ZBBX: variants seen among roughly 807,000 people sequenced by gnomAD.
ZBBX encodes the protein zinc finger B-box domain containing.
In ZBBX, 101 loss-of-function variants were observed where a neutral mutation model predicts 108.5. That is an observed-to-expected ratio of 0.93 (90% CI 0.79 to 1.10). The LOEUF (loss-of-function observed/expected upper bound fraction) is 1.10, where lower values mean the gene tolerates loss of function less well. Among genes scored for constraint, ZBBX ranks in the 50% least tolerant of loss-of-function variants. The pLI is 0.00. For synonymous variants in ZBBX, 356 were observed against 323.4 expected, an observed-to-expected ratio of 1.10 and a Z score of -1.08; for missense variants, 1,009 against 941.4, an observed-to-expected ratio of 1.07 and a Z score of -0.94.
intron 20 of ZBBX, among the ~76,000 whole-genome samples, chr3:167,275,847 C>T (rs1215432540): frequency 6.6e-6 from 1 of 152,226 alleles, no homozygotes. Context: ...AACAAAAAGA[C>T]AGCAGTAACC....
At chr3:167,236,788 T>G (rs965673125), downstream of ZBBX, among the ~76,000 whole-genome samples, 5 of 151,820 alleles carry the variant, frequency 3.3e-5, no homozygotes, top group Non-Finnish European at 7.4e-5. Context: ...ATCTATACTC[T>G]GTTGAAATGT....
At chr3:167,331,275 C>T (rs188167530) in intron 10 of ZBBX, among the ~76,000 whole-genome samples, 5 of 152,086 alleles carry the variant, frequency 3.3e-5, no homozygotes, top group South Asian at 2.1e-4. Flanking sequence ...CTAGGTAGGG[C>T]GCCTCCAACA....
At chr3:167,392,754 A>G (rs1436584905) in intron 1 of ZBBX, 1 of 151,744 alleles carries the variant, frequency 6.6e-6, no homozygotes, top group African/African-American at 2.4e-5. Flanking sequence ...TTGGTGATTG[A>G]CTTCATCTGA....
At chr3:167,353,960 A>C (rs1049290713) in intron 8 of ZBBX, among the ~76,000 whole-genome samples, 26 of 152,130 alleles carry the variant, frequency 1.7e-4, no homozygotes, top group African/African-American at 6.0e-4. Flanking sequence ...TCTTCAACTT[A>C]CAATGTGGCT....
At chr3:167,405,379 A>G (rs917930642) in intron 1 of ZBBX, among the ~76,000 whole-genome samples, 1 of 152,184 alleles carries the variant, frequency 6.6e-6, no homozygotes, top group Non-Finnish European at 1.5e-5. Flanking sequence ...AAAGGATGAG[A>G]TAACGAGACA....
At chr3:167,355,554 C>T (rs372656065) in intron 8 of ZBBX, among the ~76,000 whole-genome samples, 2 of 151,428 alleles carry the variant, frequency 1.3e-5, no homozygotes, top group Non-Finnish European at 2.9e-5. Flanking sequence ...TATCTATATA[C>T]ATAGATATAT....
At chr3:167,303,115 C>A (rs529708722) in intron 17 of ZBBX, among the ~76,000 whole-genome samples, 1 of 152,230 alleles carries the variant, frequency 6.6e-6, no homozygotes, top group Non-Finnish European at 1.5e-5. Flanking sequence ...ATTGTACACC[C>A]AATACTTAAC....
chr3:167,227,190 C>T, the ZBBX span, among the ~76,000 whole-genome samples: 1 of 151,800 alleles, frequency 6.6e-6, no homozygotes, highest in East Asian at 1.9e-4. Context: ...CTACCATATT[C>T]CTACGCAGAG....
At chr3:167,353,216 A>G (rs1742966632) in intron 8 of ZBBX, among the ~76,000 whole-genome samples, 1 of 152,166 alleles carries the variant, frequency 6.6e-6, no homozygotes, top group Admixed American at 6.6e-5. Flanking sequence ...TCTTATGCCT[A>G]GAAAACCCTA....
intron 12 of ZBBX, 78 bp downstream of exon 12, chr3:167,322,039 A>T: frequency 1.2e-6 from 1 of 846,768 alleles, no homozygotes; most frequent in East Asian, 3.1e-5. Context: ...TAAAATTGCT[A>T]TAGGAAGGCA....
At chr3:167,320,252 A>AC in intron 12 of ZBBX, among the ~76,000 whole-genome samples, 1 of 151,832 alleles carries the variant, frequency 6.6e-6, no homozygotes, top group South Asian at 2.1e-4. Flanking sequence ...CCAAAAAAAA[A>AC]AAAAAAAATT....
the ZBBX span, among the ~76,000 whole-genome samples, chr3:167,197,778 G>T: frequency 6.6e-6 from 1 of 152,112 alleles, no homozygotes; most frequent in Non-Finnish European, 1.5e-5. Flanking sequence ...ATCAAATCTT[G>T]CTATTCTTGC....
chr3:167,229,413 T>C, the ZBBX span, among the ~76,000 whole-genome samples: 1 of 151,908 alleles, frequency 6.6e-6, no homozygotes, highest in Non-Finnish European at 1.5e-5. Flanking sequence ...CATAAATTGC[T>C]TGAGGCAGAA....
At chr3:167,233,394 T>TA in the ZBBX span, among the ~76,000 whole-genome samples, 1 of 151,760 alleles carries the variant, frequency 6.6e-6, no homozygotes, top group Non-Finnish European at 1.5e-5. Context: ...GGCTCTGAGA[T>TA]AGAGTTAGAG....
In ZBBX at chr3:167,240,722, A is replaced by T; in HGVS notation, c.*71T>A. 6.5e-7 allele frequency: 1 copy of T among 1,540,412 alleles called. No individual in the cohort carries two copies. The highest frequency in any genetic ancestry group is 8.8e-7 in the Non-Finnish European group (1 of 1,136,046). The stretch of plus-strand genomic sequence containing the variant: ...ATCTCCAGCACTTGGATAGGTAATC[A>T]CTTGGTTACTTTTCTCAGTTGTTTG... On this transcript the variant is annotated 3_prime_UTR_variant, in exon 22 of 22. Coordinates refer to ENST00000675490, the MANE Select transcript of ZBBX (RefSeq NM_001199201.2).
intron 20 of ZBBX, among the ~76,000 whole-genome samples, chr3:167,273,128 TTC>T (rs1726844460): frequency 6.6e-6 from 1 of 152,232 alleles, no homozygotes; most frequent in Non-Finnish European, 1.5e-5. Context: ...CTGAGCTTTC[TTC>T]TAATCAGACT....
chr3:167,381,229 T>C (rs923702538), upstream of ZBBX: 2 of 152,156 alleles, frequency 1.3e-5, no homozygotes, highest in East Asian at 3.9e-4. Context: ...ACAACCACTA[T>C]GGATAAGAGA....
At chr3:167,182,502 C>A in the ZBBX span, among the ~76,000 whole-genome samples, 1 of 152,218 alleles carries the variant, frequency 6.6e-6, no homozygotes, top group Admixed American at 6.5e-5. Flanking sequence ...CCTCCTGAAG[C>A]GATTTTTTCC....
chr3:167,328,674 G>C (rs1737849767), intron 10 of ZBBX, among the ~76,000 whole-genome samples: 1 of 151,780 alleles, frequency 6.6e-6, no homozygotes, highest in Non-Finnish European at 1.5e-5. Context: ...TCACATTCTT[G>C]CAGTTCTGAG....
Sources: allele counts gnomAD v4.1 joint callset (sites outside exome capture counted in the v4.1 genomes callset), GRCh38; gene constraint gnomAD v4.1.1; transcripts MANE v1.5; gene names NCBI Gene and HGNC (gene_info 2026-07-23, HGNC 2026-07-21).